Variants in CTNNA3 observed in about 807,000 individuals in gnomAD.
CTNNA3 encodes the protein catenin alpha 3.
Under a neutral mutation model 95.7 loss-of-function variants are expected in CTNNA3, and 76 were observed. The ratio of observed to expected loss-of-function variants is 0.79; its 90% CI spans 0.66 to 0.96. CTNNA3 has a LOEUF of 0.96. Ranked by LOEUF, CTNNA3 falls within the 40% of genes least tolerant of loss-of-function variation. CTNNA3 has a pLI of 0.00. For synonymous variants in CTNNA3, 431 were observed against 374.4 expected, an observed-to-expected ratio of 1.15 and a Z score of -1.74; for missense variants, 1,191 against 1,089.8, an observed-to-expected ratio of 1.09 and a Z score of -1.31.
chr10:67,036,892 AT>A (rs202152419), intron 7 of CTNNA3, among the ~76,000 whole-genome samples: 2,162 of 152,282 alleles, frequency 0.014, 59 homozygotes, highest in African/African-American at 0.049. Flanking sequence ...GTGAAAAAAA[AT>A]AATAATGCAT....
At chr10:67,394,642 G>A (rs551285093) in intron 5 of CTNNA3, among the ~76,000 whole-genome samples, 5 of 152,072 alleles carry the variant, frequency 3.3e-5, no homozygotes, top group Non-Finnish European at 7.4e-5. Flanking sequence ...CCTCCAGGAT[G>A]TTAGTAAAAT....
chr10:66,413,618 AT>A (rs2132605006), intron 11 of CTNNA3, among the ~76,000 whole-genome samples: 1 of 152,220 alleles, frequency 6.6e-6, no homozygotes, highest in East Asian at 1.9e-4. Flanking sequence ...TTGAAAAGGT[AT>A]TTTCTTGTGT....
intron 6 of CTNNA3, among the ~76,000 whole-genome samples, chr10:67,204,840 G>A (rs780101195): frequency 2.8e-4 from 43 of 152,224 alleles, no homozygotes; most frequent in South Asian, 4.1e-4. Context: ...TAGTTTGGTG[G>A]GACAAGGAGT....
intron 7 of CTNNA3, among the ~76,000 whole-genome samples, chr10:66,893,230 A>G (rs1845342958): frequency 6.6e-6 from 1 of 152,132 alleles, no homozygotes; most frequent in Non-Finnish European, 1.5e-5. Flanking sequence ...AAAGACATCA[A>G]AAATATTTTG....
chr10:66,539,059 C>T (rs1291747878), intron 10 of CTNNA3, among the ~76,000 whole-genome samples: 2 of 152,006 alleles, frequency 1.3e-5, no homozygotes, highest in Non-Finnish European at 2.9e-5. Context: ...AATTATATTA[C>T]TCATAGAGTT....
intron 7 of CTNNA3, among the ~76,000 whole-genome samples, chr10:66,953,451 GATTAC>G (rs1445040661): frequency 2.0e-5 from 3 of 152,260 alleles, no homozygotes; most frequent in African/African-American, 4.8e-5. Context: ...AAATGGTGAT[GATTAC>G]ATTACATTTT....
chr10:67,274,619 G>A (rs1289257088), intron 5 of CTNNA3, among the ~76,000 whole-genome samples: 1 of 152,162 alleles, frequency 6.6e-6, no homozygotes, highest in East Asian at 1.9e-4. Flanking sequence ...CTTGAGCCCA[G>A]GAATTCAAGA....
intron 13 of CTNNA3, among the ~76,000 whole-genome samples, chr10:66,198,821 C>T (rs2087127827): frequency 2.0e-5 from 3 of 152,080 alleles, no homozygotes; most frequent in Non-Finnish European, 4.4e-5. Flanking sequence ...AACATTGTAA[C>T]TTCATGATTA....
chr10:66,674,592 AATATCAATGAGG>A (rs1278597518), intron 9 of CTNNA3, among the ~76,000 whole-genome samples: 1 of 152,042 alleles, frequency 6.6e-6, no homozygotes, highest in African/African-American at 2.4e-5. Context: ...AAACCTCCCA[AATATCAATGAGG>A]ACATCAATTA....
At chr10:67,495,508 C>T (rs1304737517) in intron 5 of CTNNA3, among the ~76,000 whole-genome samples, 1 of 152,128 alleles carries the variant, frequency 6.6e-6, no homozygotes, top group Non-Finnish European at 1.5e-5. Context: ...TGTCTCCTAC[C>T]CTGGAGGAAT....
At chr10:66,481,751 G>A (rs1188479024) in intron 11 of CTNNA3, among the ~76,000 whole-genome samples, 2 of 134,432 alleles carry the variant, frequency 1.5e-5, no homozygotes, top group Non-Finnish European at 3.0e-5. Context: ...GATTACAGGC[G>A]TGAGCCACCG....
chr10:66,073,772 A>G (rs1020102196), intron 14 of CTNNA3, among the ~76,000 whole-genome samples: 2 of 152,030 alleles, frequency 1.3e-5, no homozygotes, highest in Non-Finnish European at 2.9e-5. Context: ...GGAATTGTGC[A>G]ATCCTTCATC....
chr10:67,727,539 T>C (rs888940889), intron 1 of CTNNA3, among the ~76,000 whole-genome samples: 14 of 130,670 alleles, frequency 1.1e-4, no homozygotes, highest in South Asian at 2.2e-4. Flanking sequence ...TAACATATTA[T>C]ATATAATAGA....
At chr10:66,804,797 A>T (rs1452315451) in intron 7 of CTNNA3, among the ~76,000 whole-genome samples, 2 of 152,066 alleles carry the variant, frequency 1.3e-5, no homozygotes, top group African/African-American at 2.4e-5. Context: ...CTGTTTAGAA[A>T]AGAGTTAACA....
intron 9 of CTNNA3, among the ~76,000 whole-genome samples, chr10:66,637,499 T>C (rs1353864052): frequency 6.6e-6 from 1 of 152,250 alleles, no homozygotes; most frequent in African/African-American, 2.4e-5. Context: ...TTTTTGACCC[T>C]GTTTCAGAAG....
intron 7 of CTNNA3, among the ~76,000 whole-genome samples, chr10:67,093,687 T>A (rs1857801142): frequency 6.6e-6 from 1 of 151,922 alleles, no homozygotes; most frequent in Non-Finnish European, 1.5e-5. Context: ...AACAAAAGAT[T>A]GCTGAATTCA....
At chr10:67,240,661 C>A (rs1865684443) in intron 5 of CTNNA3, among the ~76,000 whole-genome samples, 1 of 152,104 alleles carries the variant, frequency 6.6e-6, no homozygotes, top group Non-Finnish European at 1.5e-5. Context: ...AACTGAGAAA[C>A]CATATCATAA....
intron 11 of CTNNA3, among the ~76,000 whole-genome samples, chr10:66,490,804 T>G (rs1363761937): frequency 4.6e-5 from 7 of 152,164 alleles, no homozygotes; most frequent in Admixed American, 2.6e-4. Flanking sequence ...GGAAGCAAGT[T>G]TCAAGATATA....
chr10:66,608,846 AC>A (rs1844226687), intron 10 of CTNNA3, among the ~76,000 whole-genome samples: 1 of 152,148 alleles, frequency 6.6e-6, no homozygotes, highest in Non-Finnish European at 1.5e-5. Context: ...CTGGAAGACA[AC>A]CTAGGCAATA....
Sources: gnomAD v4.1 joint callset for allele counts (sites outside exome capture counted in the v4.1 genomes callset) on GRCh38, gnomAD v4.1.1 for gene constraint, MANE v1.5 for transcripts, NCBI Gene and HGNC (gene_info 2026-07-23, HGNC 2026-07-21) for gene names.